RAC1: variants seen among roughly 807,000 people sequenced by gnomAD.
The protein encoded by RAC1 is Rac family small GTPase 1.
In RAC1, 2 loss-of-function variants were observed where a neutral mutation model predicts 25.2. The observed-to-expected ratio is 0.08, with a 90% CI of 0.03 to 0.25. The LOEUF is 0.25. RAC1 is among the 10% of genes least tolerant of loss of function. The pLI is 1.00. For synonymous variants in RAC1, 88 were observed against 94.0 expected (o/e 0.94, Z 0.37); for missense variants, 50 against 235.7 (o/e 0.21, Z 5.16).
At chr7:6,380,591 C>T (rs985379455) in intron 1 of RAC1, among the ~76,000 whole-genome samples, 1 of 152,102 alleles carries the variant, frequency 6.6e-6, no homozygotes, top group African/African-American at 2.4e-5. Context: ...TGTAGTCTTC[C>T]TTGAAAGGAG....
In RAC1 at chr7:6,402,527, A is replaced by AAC. The variant is rs1225323747; in HGVS notation, c.*82_*83insCA. ...CAAAAAAAAACAAAAAAAAAAAACA[A>AAC]AAAAAAAAAACAACGGTGGAGCCTT... On this transcript the variant is annotated 3_prime_UTR_variant, in exon 6 of 6. Transcript: ENST00000348035. 5.5e-6 allele frequency: 6 copies of AAC among 1,086,078 alleles called. No individual in the cohort carries two copies. The African/African-American group carries it at 6.3e-5, about 11-fold the overall frequency. 67.3% of individuals were successfully genotyped at this position (1,086,078 alleles called of 1,614,324 possible).
intron 2 of RAC1, among the ~76,000 whole-genome samples, chr7:6,389,970 CCTTT>C (rs1783041098): frequency 1.6e-5 from 2 of 127,916 alleles, no homozygotes; most frequent in Non-Finnish European, 1.6e-5. Context: ...TTCCTCCCTT[CCTTT>C]CTTCCCTCCC....
rs937631392 is a variant in RAC1 at position 6,403,010 on chromosome 7, T to C, written c.*564T>C. The C allele has an allele frequency of 1.0e-5, 2 of 194,200 alleles. No homozygotes were observed. Among genetic ancestry groups the C allele is most frequent in the Non-Finnish European group, 2.2e-5 (2 of 92,926 alleles). 12.0% of individuals were successfully genotyped at this position (194,200 alleles called of 1,614,324 possible). A position where few individuals can be genotyped will look rare whatever the true frequency, so the allele number is the denominator to read the frequency against. ...ACTGTAATGGAGTGAGCGTAGCAGC[T>C]CAGCTCTTTGGATCAGTCTTTGTGA... On this transcript the variant is annotated 3_prime_UTR_variant, in exon 6 of 6. Transcript: ENST00000348035.
rs368834331 is a variant in RAC1 at position 6,402,641 on chromosome 7, C to G, written c.*195C>G. ...CAGTAATTTTAAGGTTTTGTTTGTT[C>G]TAAATGTAAGAGTTCAGACTCACAT... On this transcript the variant is annotated 3_prime_UTR_variant, in exon 6 of 6. Transcript: ENST00000348035. 10 of 510,676 alleles carry G rather than the reference C, an allele frequency of 2.0e-5. No individual in the cohort carries two copies. Among genetic ancestry groups the G allele is most frequent in the African/African-American group, 1.6e-4 (8 of 49,896 alleles). 31.6% of individuals were successfully genotyped at this position (510,676 alleles called of 1,614,324 possible).
chr7:6,378,720 C>A (rs190172580), intron 1 of RAC1, among the ~76,000 whole-genome samples: 1 of 152,084 alleles, frequency 6.6e-6, no homozygotes, highest in Non-Finnish European at 1.5e-5. Flanking sequence ...TTTCCTCCAC[C>A]TTACTGCTGC....
At chr7:6,384,457 G>C (rs906986985) in intron 1 of RAC1, among the ~76,000 whole-genome samples, 3 of 152,148 alleles carry the variant, frequency 2.0e-5, no homozygotes, top group Non-Finnish European at 2.9e-5. Flanking sequence ...AAGAGGTAAC[G>C]TATTTCCCTA....
At chr7:6,390,155 A>C in intron 2 of RAC1, among the ~76,000 whole-genome samples, 1 of 122,402 alleles carries the variant, frequency 8.2e-6, no homozygotes, top group Admixed American at 1.1e-4. Flanking sequence ...GCCGGACTTG[A>C]AGTACTGGTC....
chr7:6,380,062 C>T (rs1169904324), intron 1 of RAC1, among the ~76,000 whole-genome samples: 4 of 152,216 alleles, frequency 2.6e-5, no homozygotes, highest in Non-Finnish European at 4.4e-5. Flanking sequence ...CTTGGACATA[C>T]ATTACTGTCC....
At chr7:6,383,493 G>A (rs938186912) in intron 1 of RAC1, among the ~76,000 whole-genome samples, 4 of 150,942 alleles carry the variant, frequency 2.7e-5, no homozygotes, top group African/African-American at 9.7e-5. Flanking sequence ...GTAACAAATA[G>A]TGATTGGTAA....
chr7:6,398,581 A>G (rs1425437550), intron 3 of RAC1: 1 of 1,242,660 alleles, frequency 8.0e-7, no homozygotes, highest in Non-Finnish European at 1.2e-6. Context: ...AAATTCTAAT[A>G]AAGAATCGAT....
chr7:6,401,051 G>A (rs1418600204), intron 4 of RAC1, among the ~76,000 whole-genome samples: 1 of 152,072 alleles, frequency 6.6e-6, no homozygotes, highest in Non-Finnish European at 1.5e-5. Flanking sequence ...CCCCCTCCCG[G>A]TTCAAGCAAT....
chr7:6,379,198 T>C (rs1024926030), intron 1 of RAC1, among the ~76,000 whole-genome samples: 2 of 152,204 alleles, frequency 1.3e-5, no homozygotes, highest in South Asian at 4.1e-4. Context: ...ACCTCCTGGG[T>C]TCAAGTGATT....
intron 4 of RAC1, 23 bp downstream of exon 4, chr7:6,400,211 T>C (rs776090411): frequency 6.4e-7 from 1 of 1,560,774 alleles, no homozygotes; most frequent in Non-Finnish European, 8.8e-7. Flanking sequence ...TTAAAATGTG[T>C]ATGTAAGTTA....
chr7:6,391,697 C>G (rs1283412884), intron 2 of RAC1: 5 of 531,948 alleles, frequency 9.4e-6, no homozygotes, highest in Non-Finnish European at 1.6e-5. Context: ...ACTTAAATAG[C>G]TTGTTGTTTG....
chr7:6,382,448 A>AT (rs1215036321), intron 1 of RAC1, among the ~76,000 whole-genome samples: 1 of 152,082 alleles, frequency 6.6e-6, no homozygotes, highest in Non-Finnish European at 1.5e-5. Context: ...TGGATCTTTT[A>AT]TTTTTTTAAC....
At chr7:6,391,348 G>A (rs1401952836) in intron 2 of RAC1, 1 of 151,858 alleles carries the variant, frequency 6.6e-6, no homozygotes, top group African/African-American at 2.4e-5. Context: ...TATAGGCTTT[G>A]CTGGGTTATC....
At chr7:6,378,945 C>T (rs1782684667) in intron 1 of RAC1, among the ~76,000 whole-genome samples, 2 of 152,072 alleles carry the variant, frequency 1.3e-5, no homozygotes, top group Admixed American at 6.6e-5. Flanking sequence ...AAAAAATTAG[C>T]CAAGGATGGT....
intron 2 of RAC1, among the ~76,000 whole-genome samples, chr7:6,388,346 C>CTTTTTTTTT (rs71008389): frequency 6.6e-5 from 8 of 121,822 alleles, no homozygotes; most frequent in Non-Finnish European, 1.2e-4. Context: ...TGTTGTTTTC[C>CTTTTTTTTT]TTTTTTTTTT....
intron 1 of RAC1, among the ~76,000 whole-genome samples, chr7:6,382,716 A>AC (rs1459816986): frequency 1.3e-5 from 2 of 151,960 alleles, no homozygotes; most frequent in South Asian, 2.1e-4. Flanking sequence ...TACAACAACA[A>AC]AAAAAAATTA....
Sources: allele counts gnomAD v4.1 joint callset (sites outside exome capture counted in the v4.1 genomes callset), GRCh38; gene constraint gnomAD v4.1.1; transcripts MANE v1.5; gene names NCBI Gene and HGNC (gene_info 2026-07-23, HGNC 2026-07-21).